The following KLHL7 variants were observed in gnomAD, a reference collection of about 807,000 sequenced individuals.
KLHL7 encodes kelch-like protein 7.
In KLHL7, 44 loss-of-function variants were observed where a neutral mutation model predicts 67.4. That is an observed-to-expected ratio of 0.65 (90% confidence interval 0.51 to 0.84). The LOEUF (loss-of-function observed/expected upper bound fraction) is 0.84. Ranked by LOEUF, KLHL7 falls within the 40% of genes least tolerant of loss-of-function variation. The pLI is 0.00. For missense variants in KLHL7, 362 were observed against 718.1 expected (o/e 0.50, Z 5.67); for synonymous variants, 252 against 243.3 (o/e 1.04, Z -0.33).
At position 23,177,796 on chromosome 7, in the gene KLHL7, C is replaced by A. The variant is rs1017684643; in HGVS notation, c.*3498C>A. On this transcript the variant is annotated 3_prime_UTR_variant, in exon 11 of 11. Coordinates refer to ENST00000339077, the MANE Select transcript of KLHL7 (RefSeq NM_001031710.3). The stretch of plus-strand genomic sequence containing the variant: ...AAACATATACTTGTGACTTTGTGGT[C>A]CAGCTGGCAAAAACTTGACATATCA... The A allele has an allele frequency of 6.6e-6, 1 of 151,942 alleles. No homozygotes were observed. The highest frequency in any genetic ancestry group is 1.5e-5 in the Non-Finnish European group (1 of 67,986). The allele number at this position is 151,942 out of a possible 1,614,324, so 9.4% of individuals were successfully genotyped here.
Position 23,135,567 on chromosome 7 carries a change from T to C in KLHL7, c.443-5202T>C, listed in dbSNP as rs374602108. On this transcript the variant is annotated intron_variant, in intron 4 of 10. Transcript: ENST00000339077. ...ATATAATGCCCTTATTTGAATGATA[T>C]GTGCTTTCTAAAAATGTTGTGACCT... 2.9e-4 allele frequency among the ~76,000 whole-genome samples: 44 copies of C among 152,364 alleles called. No individual in the cohort carries two copies. In the East Asian group the frequency reaches 3.7e-3, roughly 13 times the overall value.
chr7:23,172,271 C>G (rs2128470361), intron 9 of KLHL7: 2 of 428,680 alleles, frequency 4.7e-6, no homozygotes, highest in South Asian at 3.3e-5. Flanking sequence ...AATGCTGCAA[C>G]CTGTGAATTA....
At chr7:23,159,596 A>G (rs970776379) in intron 7 of KLHL7, among the ~76,000 whole-genome samples, 9 of 152,030 alleles carry the variant, frequency 5.9e-5, no homozygotes, top group Admixed American at 5.2e-4. Context: ...CAGTGGCGTG[A>G]TCTCGGTTCA....
At chr7:23,118,931 G>T (rs1783213475) in intron 1 of KLHL7, among the ~76,000 whole-genome samples, 2 of 152,036 alleles carry the variant, frequency 1.3e-5, no homozygotes, top group East Asian at 3.9e-4. Context: ...AATTAGCCAG[G>T]CATGGTGGTA....
intron 4 of KLHL7, among the ~76,000 whole-genome samples, chr7:23,131,655 T>G (rs1562565019): frequency 6.6e-6 from 1 of 152,100 alleles, no homozygotes; most frequent in Non-Finnish European, 1.5e-5. Flanking sequence ...AATTACACTC[T>G]AAGTTATTTT....
chr7:23,145,171 A>G (rs942531656), intron 6 of KLHL7, among the ~76,000 whole-genome samples: 3 of 152,132 alleles, frequency 2.0e-5, no homozygotes, highest in Non-Finnish European at 4.4e-5. Flanking sequence ...GTTAGAATTT[A>G]TCTTCTAGCT....
intron 6 of KLHL7, among the ~76,000 whole-genome samples, chr7:23,148,174 C>A (rs1290295532): frequency 2.0e-5 from 3 of 152,072 alleles, no homozygotes; most frequent in African/African-American, 7.2e-5. Flanking sequence ...TATATCCATA[C>A]AATGCAATGT....
chr7:23,140,413 C>T (rs1156786326), intron 4 of KLHL7, among the ~76,000 whole-genome samples: 2 of 152,084 alleles, frequency 1.3e-5, no homozygotes, highest in Non-Finnish European at 2.9e-5. Flanking sequence ...AAAAATTAGC[C>T]AGGCGTGGTG....
At chr7:23,143,705 A>C in intron 5 of KLHL7, 146 bp from the exon 6 acceptor site, 1 of 839,636 alleles carries the variant, frequency 1.2e-6, no homozygotes, top group Non-Finnish European at 2.0e-6. Flanking sequence ...GTTTTGAAGA[A>C]CCAGCAAGTG....
intron 1 of KLHL7, among the ~76,000 whole-genome samples, chr7:23,109,959 A>G (rs1782798540): frequency 6.6e-6 from 1 of 151,992 alleles, no homozygotes; most frequent in Non-Finnish European, 1.5e-5. Flanking sequence ...AGTTTTCTTG[A>G]CCCTCTGTCC....
Position 23,174,505 on chromosome 7 carries a change from A to G in KLHL7, c.*207A>G. ...TAGCTGGCCACAAAACCAAGAACATATCTAGCAAGAAAACTTGAAAAAGTA... is the reference window on the plus strand; with the variant it reads ...TAGCTGGCCACAAAACCAAGAACATGTCTAGCAAGAAAACTTGAAAAAGTA... On this transcript the variant is annotated 3_prime_UTR_variant, in exon 11 of 11. Coordinates refer to ENST00000339077, the MANE Select transcript of KLHL7 (RefSeq NM_001031710.3). 1.5e-6 allele frequency: 1 copy of G among 687,492 alleles called. No individual in the cohort carries two copies. Among genetic ancestry groups the G allele is most frequent in the South Asian group, 1.5e-5 (1 of 66,662 alleles). 42.6% of individuals were successfully genotyped at this position (687,492 alleles called of 1,614,324 possible).
chr7:23,132,273 A>G (rs1034020188), intron 4 of KLHL7, among the ~76,000 whole-genome samples: 2 of 152,246 alleles, frequency 1.3e-5, no homozygotes, highest in African/African-American at 4.8e-5. Context: ...TTCCACCAAC[A>G]GTGTACGAGG....
rs1292912945 is a variant in KLHL7 at position 23,105,924 on chromosome 7, C to G, written c.-103C>G. On this transcript the variant is annotated 5_prime_UTR_variant, in exon 1 of 11. Coordinates refer to ENST00000339077, the MANE Select transcript of KLHL7 (RefSeq NM_001031710.3). ...TCCAGAGCTGGGCGCTGCAGCTGCA[C>G]TGCCGATCGCCGTGTTTGGTCGATA... 4 of 1,516,802 alleles carry G rather than the reference C, an allele frequency of 2.6e-6. No individual in the cohort carries two copies. The African/African-American group carries it at 5.5e-5, about 21-fold the overall frequency. 94.0% of individuals were successfully genotyped at this position (1,516,802 alleles called of 1,614,324 possible).
intron 4 of KLHL7, among the ~76,000 whole-genome samples, chr7:23,132,587 T>C (rs567981208): frequency 6.6e-6 from 1 of 152,340 alleles, no homozygotes; most frequent in South Asian, 2.1e-4. Flanking sequence ...TCTCCCATTC[T>C]ATAGGTTGTC....
chr7:23,151,162 T>G (rs1472794262), intron 6 of KLHL7, among the ~76,000 whole-genome samples: 21 of 134,978 alleles, frequency 1.6e-4, no homozygotes, highest in South Asian at 1.1e-3. Flanking sequence ...GTTTTGTTTT[T>G]TTTTTTTTCT....
chr7:23,142,245 A>G (rs1382685336), intron 5 of KLHL7, among the ~76,000 whole-genome samples: 2 of 152,116 alleles, frequency 1.3e-5, no homozygotes, highest in Non-Finnish European at 2.9e-5. Flanking sequence ...TCAGCCCCAC[A>G]TCCTTCTCTA....
In KLHL7 at chr7:23,177,200, T is replaced by C; in HGVS notation, c.*2902T>C. On this transcript the variant is annotated 3_prime_UTR_variant, in exon 11 of 11. Coordinates refer to ENST00000339077, the MANE Select transcript of KLHL7 (RefSeq NM_001031710.3). ...TCTCTAGATTTGATTATTCTGAACA[T>C]TTTTAGTAGGGTTTTCAATTTTGCA... 6.6e-6 allele frequency: 1 copy of C among 152,156 alleles called. No individual in the cohort carries two copies. Among genetic ancestry groups the C allele is most frequent in the East Asian group, 1.9e-4 (1 of 5,196 alleles). 9.4% of individuals were successfully genotyped at this position (152,156 alleles called of 1,614,324 possible).
At chr7:23,131,347 A>G (rs908861697) in intron 4 of KLHL7, among the ~76,000 whole-genome samples, 1 of 152,150 alleles carries the variant, frequency 6.6e-6, no homozygotes, top group Non-Finnish European at 1.5e-5. Context: ...GTTCTTGTGT[A>G]TTTTGGTAGA....
chr7:23,143,924 C>T lies in KLHL7; in HGVS notation c.692C>T (p.Ala231Val), dbSNP rs1784272738. The change falls in exon 6 of 11, where the codon GCT (alanine) becomes GTT (valine). Residue 231 changes from alanine (A) to valine (V), a missense_variant. Physicochemically the swap from Ala to Val is moderately conservative, Grantham distance 64. This residue lies in a region of KLHL7 where 155 missense variants were observed against 280.8 expected (regional missense o/e 0.55). Transcript: ENST00000339077. ...NRQPFMVDILAKVRFPLISKN... is the reference protein window; with the variant it reads ...NRQPFMVDILVKVRFPLISKN... ...CAGCCATTTATGGTTGATATCCTTG[C>T]TAAAGTCAGGTTTCCTCTTATATCA... The T allele has an allele frequency of 1.9e-6, 3 of 1,613,918 alleles. No homozygotes were observed. Among genetic ancestry groups the T allele is most frequent in the South Asian group, 1.1e-5 (1 of 91,080 alleles).
Sources: gnomAD v4.1 joint callset for allele counts (sites outside exome capture counted in the v4.1 genomes callset) on GRCh38, gnomAD v4.1.1 for gene constraint, gnomAD v4.1.1 regional missense constraint, MANE v1.5 for transcripts, NCBI Gene and HGNC (gene_info 2026-07-23, HGNC 2026-07-21) for gene names.